ZYG11A: variants seen among roughly 807,000 people sequenced by gnomAD.
The protein encoded by ZYG11A is protein zyg-11 homolog A.
A neutral mutation model predicts 77.2 loss-of-function variants in ZYG11A; 62 were observed. The observed-to-expected ratio is 0.80, with a 90% CI of 0.65 to 0.99. The LOEUF (loss-of-function observed/expected upper bound fraction) is 0.99. Among genes scored for constraint, ZYG11A ranks in the 50% least tolerant of loss-of-function variants. The pLI is 0.00. For synonymous variants in ZYG11A, 315 were observed against 324.6 expected (o/e 0.97, Z 0.32); for missense variants, 828 against 896.8 (o/e 0.92, Z 0.98).
At chr1:52,858,616 A>G (rs894365439) in intron 3 of ZYG11A, among the ~76,000 whole-genome samples, 7 of 144,092 alleles carry the variant, frequency 4.9e-5, no homozygotes, top group African/African-American at 1.9e-4. Flanking sequence ...GATTATTATT[A>G]TTATTTTTTT....
In ZYG11A at chr1:52,857,515, G is replaced by C; in HGVS notation, c.774G>C (p.Leu258=). The change falls in exon 3 of 14, where the codon CTG becomes CTC. Residue 258 remains leucine (L), a synonymous_variant. Transcript: ENST00000371528. ...ILAVIRELKC[L]LHLDISDHRQ... is the part of the protein sequence containing the mutation. Reference sequence around the variant, plus strand: ...CAGTCATTAGAGAACTTAAATGTCTGCTTCACCTTGATATTTCTGATCACA... The same window carrying C: ...CAGTCATTAGAGAACTTAAATGTCTCCTTCACCTTGATATTTCTGATCACA... 2 of 1,552,122 alleles carry C rather than the reference G, an allele frequency of 1.3e-6. No homozygotes were observed. Among genetic ancestry groups the C allele is most frequent in the South Asian group, 1.2e-5 (1 of 84,056 alleles).
chr1:52,856,106 C>T (rs55968288), intron 2 of ZYG11A, among the ~76,000 whole-genome samples: 8,651 of 152,194 alleles, frequency 0.057, 403 homozygotes, highest in African/African-American at 0.13. Flanking sequence ...AATTTCTCCA[C>T]GTTCTCACCA....
At chr1:52,865,933 G>GT (rs35299513) in intron 5 of ZYG11A, among the ~76,000 whole-genome samples, 2,014 of 96,798 alleles carry the variant, frequency 0.021, 71 homozygotes, top group African/African-American at 0.049. Flanking sequence ...TGTAAAGGGA[G>GT]TTTTTTTTTT....
At chr1:52,883,291 AATT>A (rs1053761504) in intron 11 of ZYG11A, among the ~76,000 whole-genome samples, 1 of 150,452 alleles carries the variant, frequency 6.6e-6, no homozygotes, top group African/African-American at 2.5e-5. Flanking sequence ...AAAACACAAT[AATT>A]GTTGTGTTTT....
chr1:52,876,642 G>A (rs1347135909), intron 8 of ZYG11A, among the ~76,000 whole-genome samples: 1 of 152,114 alleles, frequency 6.6e-6, no homozygotes, highest in African/African-American at 2.4e-5. Context: ...TCCTGGCCTT[G>A]CTCTCATTCA....
intron 1 of ZYG11A, among the ~76,000 whole-genome samples, chr1:52,852,659 G>C (rs1645736525): frequency 6.6e-6 from 1 of 152,146 alleles, no homozygotes; most frequent in Non-Finnish European, 1.5e-5. Flanking sequence ...CGCTTGGCCA[G>C]CGTTTCTATT....
intron 4 of ZYG11A, among the ~76,000 whole-genome samples, chr1:52,862,079 G>A (rs1406621658): frequency 2.0e-5 from 3 of 151,198 alleles, no homozygotes; most frequent in Non-Finnish European, 4.4e-5. Context: ...CGTGGTGGCA[G>A]GTGCCTGTAA....
intron 3 of ZYG11A, 67 bp from the exon 4 acceptor site, chr1:52,860,664 G>A (rs984898290): frequency 2.6e-6 from 4 of 1,517,720 alleles, no homozygotes; most frequent in Middle Eastern, 3.4e-4. Flanking sequence ...CAAAAACCCT[G>A]TGGTTAAAAA....
chr1:52,889,605 G>A (rs1366783137), intron 13 of ZYG11A, among the ~76,000 whole-genome samples: 1 of 151,408 alleles, frequency 6.6e-6, no homozygotes, highest in Non-Finnish European at 1.5e-5. Flanking sequence ...TTCTATCCAA[G>A]AACATGACTA....
chr1:52,886,727 T>TTTG (rs869064249), intron 12 of ZYG11A, among the ~76,000 whole-genome samples: 1 of 142,854 alleles, frequency 7.0e-6, no homozygotes, highest in South Asian at 2.3e-4. Context: ...TTTTTTTTTT[T>TTTG]GTAGAGACGG....
At chr1:52,860,008 A>T (rs1045859560) in intron 3 of ZYG11A, among the ~76,000 whole-genome samples, 1 of 152,018 alleles carries the variant, frequency 6.6e-6, no homozygotes, top group African/African-American at 2.4e-5. Context: ...ACTTTATATG[A>T]AGTCTTGAAA....
At chr1:52,849,215 G>T (rs1242224) in intron 1 of ZYG11A, among the ~76,000 whole-genome samples, 1 of 151,116 alleles carries the variant, frequency 6.6e-6, no homozygotes, top group African/African-American at 2.4e-5. Context: ...GATTACAGGC[G>T]CGTGCCACCA....
In ZYG11A at chr1:52,857,119, G is replaced by A; in HGVS notation, c.378G>A (p.Lys126=). 6.4e-7 allele frequency: 1 copy of A among 1,551,794 alleles called. No individual in the cohort carries two copies. Among genetic ancestry groups the A allele is most frequent in the Non-Finnish European group, 8.7e-7 (1 of 1,147,032 alleles). Residue 126 remains lysine (K), a synonymous_variant, in exon 3 of 14, where the codon AAG becomes AAA. Transcript: ENST00000371528. ...AAFIKAFCRH[K]LIELNATAVH... is the part of the protein sequence containing the mutation. ...TCATAAAAGCCTTCTGCCGTCATAA[G>A]CTCATTGAACTGAATGCTACTGCAG...
Position 52,842,786 on chromosome 1 carries a change from G to C in ZYG11A, c.-98G>C, listed in dbSNP as rs1490760355. 2.3e-5 allele frequency: 27 copies of C among 1,178,158 alleles called. No homozygotes were observed. The highest frequency in any genetic ancestry group is 3.0e-5 in the Non-Finnish European group (25 of 836,616). 73.0% of individuals were successfully genotyped at this position (1,178,158 alleles called of 1,614,324 possible). On this transcript the variant is annotated 5_prime_UTR_variant, in exon 1 of 14. Transcript: ENST00000371528. ...CTAGCTCCGTGTGCCTCGCAGGCGTGGTGGGCGCGTCCTGGCAGCCGCCCG... is the reference window on the plus strand; with the variant it reads ...CTAGCTCCGTGTGCCTCGCAGGCGTCGTGGGCGCGTCCTGGCAGCCGCCCG...
Position 52,877,739 on chromosome 1 carries a change from T to C in ZYG11A, c.1600T>C (p.Leu534=), listed in dbSNP as rs1241699771. 1.3e-5 allele frequency: 20 copies of C among 1,552,014 alleles called. No homozygotes were observed. Among genetic ancestry groups the C allele is most frequent in the Non-Finnish European group, 1.7e-5 (20 of 1,147,058 alleles). Residue 534 remains leucine, a synonymous_variant, in exon 9 of 14, where the codon TTG becomes CTG. Coordinates refer to ENST00000371528, the MANE Select transcript of ZYG11A (RefSeq NM_001004339.3). ...TGAGAATTTAGATGATGTCACCTTC[T>C]TGTTTACTTTGAAAGCACTTTGGAA... ...TTENLDDVTF[L]FTLKALWNLT...
At chr1:52,875,152 A>G (rs1672909) in intron 8 of ZYG11A, among the ~76,000 whole-genome samples, 71,705 of 152,042 alleles carry the variant, frequency 0.47, 18,320 homozygotes, top group Non-Finnish European at 0.59. Flanking sequence ...AAATTGGGCC[A>G]TCATATCAAA....
chr1:52,883,981 G>A (rs558002662), intron 11 of ZYG11A, among the ~76,000 whole-genome samples: 8 of 149,700 alleles, frequency 5.3e-5, no homozygotes, highest in African/African-American at 2.0e-4. Context: ...CTGGGTTCAA[G>A]TGATCCCTCC....
chr1:52,856,623 C>T (rs1645817739), intron 2 of ZYG11A, among the ~76,000 whole-genome samples: 1 of 151,958 alleles, frequency 6.6e-6, no homozygotes, highest in South Asian at 2.1e-4. Flanking sequence ...ATTGTATATC[C>T]TGTACTTATC....
At chr1:52,882,753 T>A (rs1486719603) in intron 11 of ZYG11A, among the ~76,000 whole-genome samples, 2 of 152,230 alleles carry the variant, frequency 1.3e-5, no homozygotes, top group African/African-American at 4.8e-5. Context: ...CCCATGCAAT[T>A]TTCTTTTAAG....
Sources: allele counts gnomAD v4.1 joint callset (sites outside exome capture counted in the v4.1 genomes callset), GRCh38; gene constraint gnomAD v4.1.1; transcripts MANE v1.5; gene names NCBI Gene and HGNC (gene_info 2026-07-23, HGNC 2026-07-21).